TNRC6C: variants seen among roughly 807,000 people sequenced by gnomAD.
TNRC6C encodes the protein trinucleotide repeat containing adaptor 6C, also known as trinucleotide repeat-containing gene 6C protein.
TNRC6C carries 20 observed loss-of-function variants against 153.7 expected under a neutral mutation model. That is an observed-to-expected ratio of 0.13 (90% CI 0.09 to 0.19). TNRC6C has a LOEUF of 0.19. Ranked by LOEUF, TNRC6C falls within the 10% of genes least tolerant of loss-of-function variation. The pLI, the probability that TNRC6C is intolerant of heterozygous loss-of-function variation, is 1.00. For synonymous variants in TNRC6C, 811 were observed against 841.4 expected (o/e 0.96, Z 0.63); for missense variants, 1,987 against 2,172.0 (o/e 0.91, Z 1.69).
chr17:78,025,452 C>CTGAATTTTTAAAT (rs2071922986), intron 1 of TNRC6C, among the ~76,000 whole-genome samples: 1 of 152,168 alleles, frequency 6.6e-6, no homozygotes, highest in African/African-American at 2.4e-5. Context: ...ACGTAATGTT[C>CTGAATTTTTAAAT]CATTGTCTGA....
intron 1 of TNRC6C, among the ~76,000 whole-genome samples, chr17:77,974,554 T>C (rs1478921149): frequency 6.7e-6 from 1 of 150,272 alleles, no homozygotes; most frequent in African/African-American, 2.4e-5. Context: ...CTTGAACTCC[T>C]GGGCTTGAGA....
rs536050736 is a variant in TNRC6C, at chr17:78,104,764, C to T, written c.4992C>T (p.Ala1664=). 1,040 of 1,485,254 alleles carry T rather than the reference C, an allele frequency of 7.0e-4. No homozygotes were observed. Among genetic ancestry groups the T allele is most frequent in the Non-Finnish European group, 8.7e-4 (968 of 1,117,562 alleles). The allele number at this position is 1,485,254 out of a possible 1,614,324, so 92.0% of individuals were successfully genotyped here. ...GCAGCCTGTGGGGCCCGCCCAGCGCCGACGACAGCAGGGTGATAGGCAGCC... is the reference window on the plus strand; with the variant it reads ...GCAGCCTGTGGGGCCCGCCCAGCGCTGACGACAGCAGGGTGATAGGCAGCC... The change falls in exon 20 of 20, where the codon GCC becomes GCT. Residue 1664 remains alanine, a synonymous_variant. Coordinates refer to ENST00000301624, the Ensembl canonical transcript of TNRC6C. The surrounding 1 kb of genome is among the most constrained non-coding windows in gnomAD (Gnocchi z 6.2).
chr17:77,999,879 G>T (rs1236999977), upstream of TNRC6C, among the ~76,000 whole-genome samples: 1 of 152,200 alleles, frequency 6.6e-6, no homozygotes, highest in Non-Finnish European at 1.5e-5. Context: ...TAGAAAGTTG[G>T]AGTCTTACGT....
chr17:78,108,704 G>A (rs2073757063), exon 20 of TNRC6C: 1 of 154,422 alleles, frequency 6.5e-6, no homozygotes, highest in Non-Finnish European at 1.5e-5. Flanking sequence ...GGGCCTGGGT[G>A]TCCAGGGCAC....
intron 1 of TNRC6C, among the ~76,000 whole-genome samples, chr17:77,980,435 C>T (rs2071058934): frequency 6.6e-6 from 1 of 152,138 alleles, no homozygotes; most frequent in South Asian, 2.1e-4. Flanking sequence ...TTTCTCCCCA[C>T]GTGCCAAGCA....
At chr17:78,065,175 C>T (rs1170977343) in intron 4 of TNRC6C, among the ~76,000 whole-genome samples, 1 of 151,856 alleles carries the variant, frequency 6.6e-6, no homozygotes, top group African/African-American at 2.4e-5. Context: ...ATAGTGAGAC[C>T]TTGTCACTAC....
At chr17:77,985,796 A>G (rs9908080) in intron 1 of TNRC6C, among the ~76,000 whole-genome samples, 12,148 of 152,128 alleles carry the variant, frequency 0.08, 1,262 homozygotes, top group African/African-American at 0.25. Flanking sequence ...TAGTACCTAC[A>G]TTCGTGTTTG....
At chr17:77,968,591 C>T (rs537628133) in intron 1 of TNRC6C, among the ~76,000 whole-genome samples, 2 of 152,292 alleles carry the variant, frequency 1.3e-5, no homozygotes, top group Middle Eastern at 3.4e-3. Context: ...GATCCGCCCA[C>T]CTCGGCCTCC....
chr17:78,021,114 T>C (rs2071823725), intron 1 of TNRC6C, among the ~76,000 whole-genome samples: 1 of 152,256 alleles, frequency 6.6e-6, no homozygotes, highest in South Asian at 2.1e-4. Flanking sequence ...CAGGCAGCAC[T>C]GTCCAGTAGG....
chr17:78,022,061 G>A (rs548476317), intron 1 of TNRC6C, among the ~76,000 whole-genome samples: 2 of 152,284 alleles, frequency 1.3e-5, no homozygotes, highest in East Asian at 3.9e-4. Flanking sequence ...CAGAGGCAGT[G>A]AGACTCTCAC....
In TNRC6C at chr17:78,018,856, C is replaced by T. The variant is rs371837976; in HGVS notation, c.-545-12660C>T. 6.6e-5 allele frequency among the ~76,000 whole-genome samples: 10 copies of T among 152,114 alleles called. No homozygotes were observed. The South Asian group carries it at 1.7e-3, about 25-fold the overall frequency. On this transcript the variant is annotated intron_variant, in intron 1 of 19. Coordinates refer to ENST00000301624, the Ensembl canonical transcript of TNRC6C. ...CCATAGATTGAGAGAAGCTGGATGGCATCAGGATTCCAGAGTGCAGGAAAA... is the reference window on the plus strand; with the variant it reads ...CCATAGATTGAGAGAAGCTGGATGGTATCAGGATTCCAGAGTGCAGGAAAA...
intron 7 of TNRC6C, 151 bp from the exon 10 acceptor site, chr17:78,074,985 A>G: frequency 8.5e-6 from 9 of 1,052,656 alleles, no homozygotes; most frequent in Non-Finnish European, 1.1e-5. Flanking sequence ...GCTCAGCCCT[A>G]GCAAAGCAAG....
chr17:77,959,828 ATAACG>A (rs1167226568), intron 1 of TNRC6C, among the ~76,000 whole-genome samples: 58 of 152,308 alleles, frequency 3.8e-4, no homozygotes, highest in Non-Finnish European at 4.4e-5. Flanking sequence ...CTGTTATCAG[ATAACG>A]TAACCCGAGC....
chr17:77,985,600 T>C (rs559155479), intron 1 of TNRC6C, among the ~76,000 whole-genome samples: 2 of 126,136 alleles, frequency 1.6e-5, no homozygotes, highest in South Asian at 4.6e-4. Context: ...AGACTCCGTC[T>C]CAAAAAAAAA....
In TNRC6C at chr17:78,104,456, T is replaced by C; in HGVS notation, c.4713-29T>C. The C allele has an allele frequency of 6.8e-7, 1 of 1,467,438 alleles. No individual in the cohort carries two copies. The allele number at this position is 1,467,438 out of a possible 1,614,324, so 90.9% of individuals were successfully genotyped here. ...AACTCAGCAGGACTTGGGGTGGCCC[T>C]GTTCACGTGCCCCATCTTGCTGTTG... On this transcript the variant is annotated intron_variant, in intron 19 of 19. Transcript: ENST00000301624. This position sits in a 1 kb window ranked among gnomAD's most constrained non-coding sequence, Gnocchi z 6.2.
At position 78,077,384 on chromosome 17, in the gene TNRC6C, C is replaced by G. The variant is rs771640437; in HGVS notation, c.3210+50C>G. 7 of 1,549,886 alleles carry G rather than the reference C, an allele frequency of 4.5e-6. No homozygotes were observed. The African/African-American group carries it at 8.2e-5, about 18-fold the overall frequency. ...ACATGGCCTTTGTTTTACCTGCCTT[C>G]TAAAAAATGTGTTTGAGACATAAAC... On this transcript the variant is annotated intron_variant, in intron 9 of 19. Transcript: ENST00000301624.
intron 6 of TNRC6C, among the ~76,000 whole-genome samples, chr17:78,072,112 G>A (rs1240965961): frequency 1.3e-5 from 2 of 152,330 alleles, no homozygotes; most frequent in East Asian, 1.9e-4. Flanking sequence ...TCCATGTAGC[G>A]GAGGAACCCC....
exon 20 of TNRC6C, chr17:78,105,069 T>G (rs1427761537): frequency 4.5e-6 from 2 of 447,158 alleles, no homozygotes; most frequent in Non-Finnish European, 7.4e-6. Context: ...CTCGTAGCTT[T>G]TTATTTTGTG....
intron 9 of TNRC6C, among the ~76,000 whole-genome samples, chr17:78,078,965 C>T (rs527925880): frequency 1.2e-4 from 18 of 152,096 alleles, no homozygotes; most frequent in African/African-American, 3.9e-4. Context: ...TGGTGGCAGG[C>T]GACGGTAATC....
Sources: gnomAD v4.1 joint callset for allele counts (sites outside exome capture counted in the v4.1 genomes callset) on GRCh38, gnomAD v4.1.1 for gene constraint, Gnocchi (gnomAD v3.1) non-coding constraint, MANE v1.5 for transcripts, NCBI Gene and HGNC (gene_info 2026-07-23, HGNC 2026-07-21) for gene names.